The following SULT4A1 variants were observed in gnomAD, a reference collection of about 807,000 sequenced individuals.
SULT4A1 encodes the protein sulfotransferase family 4A member 1.
Under a neutral mutation model 35.2 loss-of-function variants are expected in SULT4A1, and 11 were observed. That is an observed-to-expected ratio of 0.31 (90% CI 0.20 to 0.52). The LOEUF is 0.52. Among genes scored for constraint, SULT4A1 ranks in the 20% least tolerant of loss-of-function variants. SULT4A1 has a pLI of 0.97. For missense variants in SULT4A1, 271 were observed against 383.7 expected (o/e 0.71, Z 2.45); for synonymous variants, 152 against 151.8 (o/e 1.00, Z -0.01).
chr22:43,828,768 CCTG>C (rs1172923318), intron 6 of SULT4A1: 4 of 376,440 alleles, frequency 1.1e-5, no homozygotes, highest in South Asian at 1.3e-4. Context: ...GAGTAGACTC[CCTG>C]CTGAGAAACA....
At chr22:43,861,031 T>C (rs1290823481) in intron 1 of SULT4A1, among the ~76,000 whole-genome samples, 5 of 151,966 alleles carry the variant, frequency 3.3e-5, no homozygotes, top group Admixed American at 6.6e-5. Flanking sequence ...ACTTAATGAG[T>C]GGCCACAGAA....
At chr22:43,847,239 G>A (rs981892111) in intron 1 of SULT4A1, among the ~76,000 whole-genome samples, 5 of 152,036 alleles carry the variant, frequency 3.3e-5, no homozygotes, top group African/African-American at 9.6e-5. Context: ...AACAGGCCCC[G>A]GCCTTCCTAG....
intron 1 of SULT4A1, among the ~76,000 whole-genome samples, chr22:43,856,629 A>G (rs2049403768): frequency 6.6e-6 from 1 of 152,196 alleles, no homozygotes; most frequent in African/African-American, 2.4e-5. Flanking sequence ...TCCAAGGTTC[A>G]GACCTACGAG....
intron 6 of SULT4A1, chr22:43,827,460 A>G (rs2148275019): frequency 1.6e-6 from 2 of 1,237,024 alleles, no homozygotes; most frequent in Admixed American, 3.3e-5. Flanking sequence ...CTATTTTTCC[A>G]TGATTATTTT....
chr22:43,827,737 G>A, intron 6 of SULT4A1: 1 of 754,842 alleles, frequency 1.3e-6, no homozygotes, highest in South Asian at 1.4e-5. Context: ...CACACAGTAT[G>A]TTCTCGACGC....
chr22:43,850,617 A>T (rs975246506), intron 1 of SULT4A1, among the ~76,000 whole-genome samples: 1 of 152,008 alleles, frequency 6.6e-6, no homozygotes, highest in Non-Finnish European at 1.5e-5. Flanking sequence ...TCCCTCCCTC[A>T]TCTGAGTGAA....
Position 43,829,118 on chromosome 22 carries a change from C to A in SULT4A1, c.684G>T (p.Glu228Asp), listed in dbSNP as rs1484476858. Residue 228 changes from glutamate to aspartate, a missense_variant, in exon 6 of 7, where the codon GAG becomes GAT. Around this residue, in one of 3 missense-constraint regions of SULT4A1, gnomAD observed 75 missense variants for 67.7 expected, o/e 1.11. Transcript: ENST00000330884. Reference sequence around the variant, plus strand: ...ACTGGTCCACCAGCTGGTGGCAGTGCTCCGTCAGGGCTTCCAGCTGGGCCT... The same window carrying A: ...ACTGGTCCACCAGCTGGTGGCAGTGATCCGTCAGGGCTTCCAGCTGGGCCT... Reference protein sequence around the residue: ...CDKAQLEALTEHCHQLVDQCC... With the variant: ...CDKAQLEALTDHCHQLVDQCC... The A allele has an allele frequency of 6.4e-7, 1 of 1,556,120 alleles. No homozygotes were observed. Among genetic ancestry groups the A allele is most frequent in the Admixed American group, 1.9e-5 (1 of 51,918 alleles).
chr22:43,832,110 G>A lies in SULT4A1; in HGVS notation c.603+1530C>T, dbSNP rs6006559. ...CCCAGCACCACAGGAAACCACGGCC[G>A]ACGGCTTCACAGAGGTCAGCGGCAG... On this transcript the variant is annotated intron_variant, in intron 5 of 6. Coordinates refer to ENST00000330884, the MANE Select transcript of SULT4A1 (RefSeq NM_014351.4). Among the ~76,000 whole-genome samples, 1,159 of 152,288 alleles carry A rather than the reference G, an allele frequency of 7.6e-3. 17 individuals are homozygous for A. The highest frequency in any genetic ancestry group is 0.027 in the African/African-American group (1,126 of 41,560).
At chr22:43,828,914 A>T in intron 6 of SULT4A1, 146 bp downstream of exon 6, 1 of 889,890 alleles carries the variant, frequency 1.1e-6, no homozygotes, top group Non-Finnish European at 1.6e-6. Flanking sequence ...CAGCTAACAG[A>T]GCACAGGCCA....
intron 4 of SULT4A1, among the ~76,000 whole-genome samples, chr22:43,835,638 C>G (rs564086842): frequency 6.6e-6 from 1 of 152,284 alleles, no homozygotes; most frequent in East Asian, 1.9e-4. Flanking sequence ...TGCAGCCCAT[C>G]ATCGGTAGCT....
intron 1 of SULT4A1, among the ~76,000 whole-genome samples, chr22:43,853,075 CCA>C (rs1012994386): frequency 6.6e-6 from 1 of 151,816 alleles, no homozygotes; most frequent in African/African-American, 2.4e-5. Context: ...AACACACAGA[CCA>C]CACACACTCC....
chr22:43,831,759 G>A (rs1306164195), intron 5 of SULT4A1, among the ~76,000 whole-genome samples: 1 of 152,246 alleles, frequency 6.6e-6, no homozygotes, highest in African/African-American at 2.4e-5. Flanking sequence ...CTCCGGTGAG[G>A]GAGATGAAAC....
At chr22:43,832,696 C>T (rs2063333689) in intron 5 of SULT4A1, among the ~76,000 whole-genome samples, 1 of 152,062 alleles carries the variant, frequency 6.6e-6, no homozygotes, top group South Asian at 2.1e-4. Flanking sequence ...CCACAAGGCA[C>T]AGCCCCCACC....
chr22:43,858,691 C>T (rs993527175), intron 1 of SULT4A1, among the ~76,000 whole-genome samples: 4 of 152,198 alleles, frequency 2.6e-5, no homozygotes, highest in African/African-American at 4.8e-5. Flanking sequence ...ACCCAGGAAG[C>T]GCTGGCAGGT....
chr22:43,833,799 C>CCCCA, intron 4 of SULT4A1, 65 bp from the exon 5 acceptor site: 1 of 1,368,564 alleles, frequency 7.3e-7, no homozygotes, highest in Non-Finnish European at 1.0e-6. Flanking sequence ...ATGGGGCCAT[C>CCCCA]CCCACCCCAC....
intron 5 of SULT4A1, among the ~76,000 whole-genome samples, chr22:43,831,380 TG>T (rs2063324931): frequency 6.6e-6 from 1 of 151,974 alleles, no homozygotes; most frequent in African/African-American, 2.4e-5. Flanking sequence ...CCCTGGGCAG[TG>T]CATGTTCAAT....
chr22:43,836,583 G>C (rs2063377928), intron 4 of SULT4A1, among the ~76,000 whole-genome samples: 1 of 126,318 alleles, frequency 7.9e-6, no homozygotes, highest in Non-Finnish European at 1.7e-5. Flanking sequence ...AACTGCAGGT[G>C]CCACAGGGAC....
chr22:43,859,442 T>C (rs943353248), intron 1 of SULT4A1, among the ~76,000 whole-genome samples: 9 of 152,242 alleles, frequency 5.9e-5, no homozygotes, highest in African/African-American at 1.4e-4. Flanking sequence ...CCAGGGACCG[T>C]ATTTCAAAGC....
At chr22:43,842,569 G>A (rs1022560904) in intron 1 of SULT4A1, among the ~76,000 whole-genome samples, 5 of 152,120 alleles carry the variant, frequency 3.3e-5, no homozygotes, top group Non-Finnish European at 2.9e-5. Context: ...GACATAGCAC[G>A]GCCAAGCCCC....
Sources: gnomAD v4.1 joint callset for allele counts (sites outside exome capture counted in the v4.1 genomes callset) on GRCh38, gnomAD v4.1.1 for gene constraint, gnomAD v4.1.1 regional missense constraint, MANE v1.5 for transcripts, NCBI Gene and HGNC (gene_info 2026-07-23, HGNC 2026-07-21) for gene names.